UBN2: variants seen among roughly 807,000 people sequenced by gnomAD.
The protein encoded by UBN2 is ubinuclein 2.
UBN2 carries 35 observed loss-of-function variants against 120.2 expected under a neutral mutation model. The ratio of observed to expected loss-of-function variants is 0.29; its 90% CI spans 0.22 to 0.39. The LOEUF (loss-of-function observed/expected upper bound fraction) is 0.39, where lower values mean the gene tolerates loss of function less well. Among genes scored for constraint, UBN2 ranks in the 10% least tolerant of loss-of-function variants. The probability of loss-of-function intolerance (pLI) is 1.00; values close to 1 mark genes in which losing one functional copy is unlikely to be tolerated. For synonymous variants in UBN2, 661 were observed against 648.7 expected (o/e 1.02, Z -0.29); for missense variants, 1,693 against 1,663.2 (o/e 1.02, Z -0.31).
At chr7:139,318,050 C>T in the UBN2 span, among the ~76,000 whole-genome samples, 23 of 152,130 alleles carry the variant, frequency 1.5e-4, no homozygotes, top group Admixed American at 1.4e-3. Context: ...CTGCTTGTTC[C>T]TCATTATCAT....
Position 139,293,948 on chromosome 7 carries a change from C to A in UBN2, c.3961C>A (p.Pro1321Thr), listed in dbSNP as rs1241016118. Reference sequence around the variant, plus strand: ...GCATGCAGCAACGCTTTCCCACTCACCTCTGCCTGCACACTTACAGCAAGC... The same window carrying A: ...GCATGCAGCAACGCTTTCCCACTCAACTCTGCCTGCACACTTACAGCAAGC... ...AQHAATLSHS[P>T]LPAHLQQAFH... is the part of the protein sequence containing the mutation. The change falls in exon 17 of 18, where the codon CCT (proline) becomes ACT (threonine). Residue 1321 changes from proline to threonine, a missense_variant. Physicochemically the swap from Pro to Thr is conservative, Grantham distance 38. Around this residue, in one of 5 missense-constraint regions of UBN2, gnomAD observed 837 missense variants for 817.6 expected, o/e 1.02. Transcript: ENST00000473989. 6.2e-7 allele frequency: 1 copy of A among 1,614,014 alleles called. No homozygotes were observed. The highest frequency in any genetic ancestry group is 1.3e-5 in the African/African-American group (1 of 74,918).
chr7:139,310,309 A>G (rs1338380923), downstream of UBN2, among the ~76,000 whole-genome samples: 1 of 110,574 alleles, frequency 9.0e-6, no homozygotes, highest in Non-Finnish European at 1.9e-5. Flanking sequence ...CTGTGTCTTT[A>G]AAAAAAAAAA....
intron 4 of UBN2, 40 bp downstream of exon 4, chr7:139,258,665 A>T: frequency 6.8e-7 from 1 of 1,479,650 alleles, no homozygotes. Context: ...GAGAATGTTC[A>T]ATTAATAGGA....
chr7:139,297,818 A>G lies in UBN2; in HGVS notation c.4026A>G (p.Leu1342=). ...DGGQSKGDTK[L]PRKSQ is the part of the protein sequence containing the mutation. ...GCCAAAGTAAAGGGGACACTAAATT[A>G]CCACGGAAATCTCAGTGACTGCCCA... The change falls in exon 18 of 18, where the codon TTA becomes TTG. Residue 1342 remains leucine (L), a synonymous_variant. Transcript: ENST00000473989. The G allele has an allele frequency of 6.2e-7, 1 of 1,614,170 alleles. No individual in the cohort carries two copies. The highest frequency in any genetic ancestry group is 2.2e-5 in the East Asian group (1 of 44,872).
At chr7:139,318,526 C>T in the UBN2 span, among the ~76,000 whole-genome samples, 1 of 152,082 alleles carries the variant, frequency 6.6e-6, no homozygotes, top group South Asian at 2.1e-4. Flanking sequence ...TTTTTTAAGA[C>T]AGGGTTTCAC....
chr7:139,257,609 G>A (rs187207665), intron 3 of UBN2, among the ~76,000 whole-genome samples: 2 of 151,994 alleles, frequency 1.3e-5, no homozygotes, highest in African/African-American at 4.8e-5. Context: ...GTAGAGATGG[G>A]GTTTCACTAT....
At chr7:139,315,744 A>G in the UBN2 span, among the ~76,000 whole-genome samples, 2 of 152,060 alleles carry the variant, frequency 1.3e-5, no homozygotes, top group African/African-American at 4.8e-5. Context: ...CATTTTACAT[A>G]CCCACCAGCA....
the UBN2 span, among the ~76,000 whole-genome samples, chr7:139,317,710 T>C: frequency 6.6e-6 from 1 of 152,238 alleles, no homozygotes; most frequent in African/African-American, 2.4e-5. Context: ...TTGTCCAGGC[T>C]GGAGTGCAGT....
At chr7:139,282,131 T>C (rs1161598426) in intron 14 of UBN2, 76 bp downstream of exon 14, 2 of 1,345,616 alleles carry the variant, frequency 1.5e-6, no homozygotes, top group Admixed American at 1.8e-5. Context: ...AGAAACTAAT[T>C]GAAGAGACTT....
At chr7:139,282,707 A>C (rs117146865) in intron 14 of UBN2, among the ~76,000 whole-genome samples, 2,914 of 152,276 alleles carry the variant, frequency 0.019, 42 homozygotes, top group Middle Eastern at 0.051. Flanking sequence ...TAATCTGAAC[A>C]GATGGATTTG....
At chr7:139,316,545 A>G in the UBN2 span, among the ~76,000 whole-genome samples, 1 of 152,186 alleles carries the variant, frequency 6.6e-6, no homozygotes, top group Non-Finnish European at 1.5e-5. Flanking sequence ...AGGCGGGCAG[A>G]TCAGCTTGGC....
rs1798206963 is a variant in UBN2, at chr7:139,299,597, A to G, written c.*1761A>G. The G allele has an allele frequency of 6.6e-6, 1 of 152,194 alleles. No homozygotes were observed. The highest frequency in any genetic ancestry group is 2.1e-4 in the South Asian group (1 of 4,830). 9.4% of individuals were successfully genotyped at this position (152,194 alleles called of 1,614,324 possible). ...CAGTAAAGGGAAAGGATTATTTCAAAGGAATCACTGATATAATTTCTTGAC... is the reference window on the plus strand; with the variant it reads ...CAGTAAAGGGAAAGGATTATTTCAAGGGAATCACTGATATAATTTCTTGAC... On this transcript the variant is annotated 3_prime_UTR_variant, in exon 18 of 18. Coordinates refer to ENST00000473989, the MANE Select transcript of UBN2 (RefSeq NM_173569.4).
At chr7:139,316,890 T>G in the UBN2 span, among the ~76,000 whole-genome samples, 18 of 152,114 alleles carry the variant, frequency 1.2e-4, no homozygotes, top group South Asian at 3.3e-3. Context: ...TCTATAAGAT[T>G]TTTGAATTTT....
chr7:139,327,361 T>C, the UBN2 span, among the ~76,000 whole-genome samples: 1 of 152,226 alleles, frequency 6.6e-6, no homozygotes, highest in African/African-American at 2.4e-5. Context: ...ATTTACTCTG[T>C]GTATTAGTCT....
At chr7:139,242,395 G>A (rs899355076) in intron 2 of UBN2, among the ~76,000 whole-genome samples, 37 of 152,136 alleles carry the variant, frequency 2.4e-4, no homozygotes, top group African/African-American at 7.5e-4. Flanking sequence ...GGTCCCTAAG[G>A]ATCATCTCGA....
chr7:139,315,902 C>T, the UBN2 span, among the ~76,000 whole-genome samples: 1 of 151,752 alleles, frequency 6.6e-6, no homozygotes, highest in Non-Finnish European at 1.5e-5. Context: ...CATGGTGAAA[C>T]CCCATCTCTA....
intron 3 of UBN2, among the ~76,000 whole-genome samples, chr7:139,252,819 A>T (rs1468474750): frequency 6.6e-6 from 1 of 152,236 alleles, no homozygotes; most frequent in African/African-American, 2.4e-5. Flanking sequence ...TCAAATGCTG[A>T]AAAACATTAA....
At chr7:139,270,342 C>T (rs1018053802) in intron 8 of UBN2, among the ~76,000 whole-genome samples, 2 of 149,936 alleles carry the variant, frequency 1.3e-5, no homozygotes, top group Non-Finnish European at 2.9e-5. Context: ...GATCTCAGCT[C>T]ACTGCAACCA....
chr7:139,273,056 A>T (rs1797335879), intron 9 of UBN2, among the ~76,000 whole-genome samples: 1 of 152,222 alleles, frequency 6.6e-6, no homozygotes. Flanking sequence ...CTGTGGTTGA[A>T]CACAAGTGTT....
Sources: gnomAD v4.1 joint callset for allele counts (sites outside exome capture counted in the v4.1 genomes callset) on GRCh38, gnomAD v4.1.1 for gene constraint, gnomAD v4.1.1 regional missense constraint, MANE v1.5 for transcripts, NCBI Gene and HGNC (gene_info 2026-07-23, HGNC 2026-07-21) for gene names.